Variants in N4BP2 observed in about 807,000 individuals in gnomAD.
N4BP2 encodes NEDD4-binding protein 2.
N4BP2 carries 91 observed loss-of-function variants against 152.8 expected under a neutral mutation model. That is an observed-to-expected ratio of 0.60 (90% CI 0.50 to 0.71). The LOEUF (loss-of-function observed/expected upper bound fraction) is 0.71, where lower values mean the gene tolerates loss of function less well. Ranked by LOEUF, N4BP2 falls within the 30% of genes least tolerant of loss-of-function variation. N4BP2 has a pLI of 0.00. For missense variants in N4BP2, 1,923 were observed against 2,059.1 expected (o/e 0.93, Z 1.28); for synonymous variants, 646 against 705.3 (o/e 0.92, Z 1.33).
At position 40,072,236 on chromosome 4, in the gene N4BP2, T is replaced by G. The variant is rs1271106072; in HGVS notation, c.-211-1219T>G. 6.1e-5 allele frequency among the ~76,000 whole-genome samples: 9 copies of G among 147,832 alleles called. No individual in the cohort carries two copies. The Admixed American group carries it at 6.2e-4, about 10-fold the overall frequency. ...GACTACAGGCGTGTGCCACTATGCC[T>G]GGCTAATTTTTTTTTTTTTTTTTTT... On this transcript the variant is annotated intron_variant, in intron 1 of 17. Coordinates refer to ENST00000261435, the MANE Select transcript of N4BP2 (RefSeq NM_018177.6).
the N4BP2 span, among the ~76,000 whole-genome samples, chr4:40,181,917 C>T: frequency 2.0e-3 from 305 of 152,264 alleles, no homozygotes; most frequent in Non-Finnish European, 3.3e-3. Context: ...CTACTGCACT[C>T]CAGCCTGTGC....
At chr4:40,145,227 T>G (rs1197272160) in intron 16 of N4BP2, among the ~76,000 whole-genome samples, 5 of 152,170 alleles carry the variant, frequency 3.3e-5, no homozygotes, top group Admixed American at 2.0e-4. Flanking sequence ...TTTTTGTTTG[T>G]TTGTTTCTTT....
chr4:40,174,989 G>A, the N4BP2 span, among the ~76,000 whole-genome samples: 4 of 151,684 alleles, frequency 2.6e-5, no homozygotes, highest in Non-Finnish European at 4.4e-5. Context: ...AGAAAGAAAA[G>A]TACTGCTTGG....
chr4:40,145,413 AG>A (rs1560642908), intron 16 of N4BP2, among the ~76,000 whole-genome samples: 1 of 152,056 alleles, frequency 6.6e-6, no homozygotes, highest in Non-Finnish European at 1.5e-5. Context: ...TAGTGGAGAC[AG>A]GGTTTTACCA....
In N4BP2 at chr4:40,154,533, G is replaced by T; in HGVS notation, c.*296G>T. ...AATGCTCTGATTGTTTCTCAGAAAA[G>T]GTTACCTTTGTATTAATTGTTGTAT... On this transcript the variant is annotated 3_prime_UTR_variant, in exon 18 of 18. Transcript: ENST00000261435. 1 of 293,944 alleles carries T rather than the reference G, an allele frequency of 3.4e-6. No homozygotes were observed. The highest frequency in any genetic ancestry group is 6.3e-6 in the Non-Finnish European group (1 of 158,766). The allele number at this position is 293,944 out of a possible 1,614,324, so 18.2% of individuals were successfully genotyped here.
intron 1 of N4BP2, among the ~76,000 whole-genome samples, chr4:40,068,351 T>A (rs942471170): frequency 3.9e-5 from 6 of 152,238 alleles, no homozygotes; most frequent in Non-Finnish European, 7.3e-5. Context: ...TTTGCTTTTG[T>A]TGCCTATGCC....
chr4:40,123,032 G>A, intron 9 of N4BP2, 95 bp from the exon 10 acceptor site: 1 of 690,226 alleles, frequency 1.4e-6, no homozygotes, highest in Non-Finnish European at 2.6e-6. Context: ...AATAGTACAA[G>A]TTAGTTTTGT....
chr4:40,094,638 C>A (rs1333052617), intron 2 of N4BP2, among the ~76,000 whole-genome samples: 1 of 151,986 alleles, frequency 6.6e-6, no homozygotes, highest in African/African-American at 2.4e-5. Context: ...TCAATGCAAC[C>A]TCTGCCTCAT....
chr4:40,141,844 G>A (rs1720010702), intron 14 of N4BP2, among the ~76,000 whole-genome samples: 1 of 152,164 alleles, frequency 6.6e-6, no homozygotes, highest in Non-Finnish European at 1.5e-5. Context: ...CCGGCACCTC[G>A]GGAGGCCGAG....
At chr4:40,170,430 G>GC in the N4BP2 span, among the ~76,000 whole-genome samples, 1 of 152,082 alleles carries the variant, frequency 6.6e-6, no homozygotes, top group Admixed American at 6.6e-5. Context: ...ACCAGCCTCG[G>GC]CAACATGACG....
intron 3 of N4BP2, among the ~76,000 whole-genome samples, chr4:40,099,064 T>C (rs1034755725): frequency 3.3e-5 from 5 of 152,064 alleles, no homozygotes; most frequent in Admixed American, 6.6e-5. Context: ...TTCTTTTGGC[T>C]TTTTTTTCTT....
intron 2 of N4BP2, among the ~76,000 whole-genome samples, chr4:40,093,996 A>T (rs1282393017): frequency 6.6e-6 from 1 of 152,176 alleles, no homozygotes; most frequent in Non-Finnish European, 1.5e-5. Context: ...TCAGCCTCCC[A>T]GGGTGCTGGG....
At chr4:40,185,125 CTTG>C in the N4BP2 span, among the ~76,000 whole-genome samples, 11 of 151,958 alleles carry the variant, frequency 7.2e-5, no homozygotes, top group Non-Finnish European at 1.5e-4. Flanking sequence ...ACGTGTGCCT[CTTG>C]TTGTCCTGTA....
chr4:40,135,380 G>A lies in N4BP2; in HGVS notation c.4647-1564G>A, dbSNP rs576382328. Among the ~76,000 whole-genome samples, 9 of 151,386 alleles carry A rather than the reference G, an allele frequency of 5.9e-5. No homozygotes were observed. In the East Asian group the frequency reaches 1.6e-3, roughly 26 times the overall value. On this transcript the variant is annotated intron_variant, in intron 13 of 17. Coordinates refer to ENST00000261435, the MANE Select transcript of N4BP2 (RefSeq NM_018177.6). ...ACATTTGGGTTGGTTCCAAGTCTTT[G>A]CTATTGTGAATAGTGCTGCAATAAA...
At chr4:40,057,142 G>T (rs937967) in intron 1 of N4BP2, 112 bp downstream of exon 1, 135,051 of 152,506 alleles carry the variant, frequency 0.89, 59,931 homozygotes, top group East Asian at 0.99. Context: ...GGCGGGCGGC[G>T]CGGCGAATGA....
chr4:40,093,428 A>G (rs1714809891), intron 2 of N4BP2, among the ~76,000 whole-genome samples: 1 of 150,532 alleles, frequency 6.6e-6, no homozygotes. Flanking sequence ...TTTTTTTGAG[A>G]CAGAGTCTTG....
chr4:40,149,404 T>C (rs1422622266), intron 16 of N4BP2, among the ~76,000 whole-genome samples: 1 of 152,198 alleles, frequency 6.6e-6, no homozygotes, highest in Non-Finnish European at 1.5e-5. Flanking sequence ...ATTTGATTAG[T>C]GGTTGCTGGG....
the N4BP2 span, among the ~76,000 whole-genome samples, chr4:40,166,307 CAG>C: frequency 6.6e-6 from 1 of 152,108 alleles, no homozygotes; most frequent in East Asian, 1.9e-4. Context: ...CCTGTGGGGT[CAG>C]AGGTAGGAGA....
intron 13 of N4BP2, among the ~76,000 whole-genome samples, chr4:40,136,091 A>G (rs190420087): frequency 6.6e-6 from 1 of 152,314 alleles, no homozygotes; most frequent in African/African-American, 2.4e-5. Flanking sequence ...TGAATAATGC[A>G]GGGATGAGAG....
Sources: gnomAD v4.1 joint callset for allele counts (sites outside exome capture counted in the v4.1 genomes callset) on GRCh38, gnomAD v4.1.1 for gene constraint, MANE v1.5 for transcripts, NCBI Gene and HGNC (gene_info 2026-07-23, HGNC 2026-07-21) for gene names.